Variants in DMD observed in about 807,000 individuals in gnomAD.
DMD encodes mutant dystrophin.
Under a neutral mutation model 330.1 loss-of-function variants are expected in DMD, and 63 were observed. The ratio of observed to expected loss-of-function variants is 0.19; its 90% CI spans 0.16 to 0.24. The LOEUF is 0.24. DMD is among the 10% of genes least tolerant of loss of function. DMD has a pLI of 1.00. For synonymous variants in DMD, 1,223 were observed against 959.8 expected, an observed-to-expected ratio of 1.27 and a Z score of -5.07; for missense variants, 3,344 against 2,684.1, an observed-to-expected ratio of 1.25 and a Z score of -5.43.
intron 34 of DMD, among the ~76,000 whole-genome samples, chrX:32,373,965 C>T (rs913389593): frequency 3.6e-5 from 4 of 111,429 alleles, no homozygotes; most frequent in African/African-American, 9.8e-5. Flanking sequence ...AATCAACATC[C>T]GTTATTTTCT....
rs929563204 is a variant in DMD, at chrX:32,187,736, C to T, written c.6438+29180G>A. 2.6e-4 allele frequency among the ~76,000 whole-genome samples: 29 copies of T among 110,722 alleles called. 1 individual carries two copies. The highest frequency in any genetic ancestry group is 9.5e-4 in the African/African-American group (29 of 30,620). ...AGAAGACAACGTACAACTTTTTAAC[C>T]CCTAACCTAATTTTTTAAACCAAAA... On this transcript the variant is annotated intron_variant, in intron 44 of 78. Transcript: ENST00000357033.
intron 50 of DMD, among the ~76,000 whole-genome samples, chrX:31,811,642 CT>C (rs917202010): frequency 8.9e-6 from 1 of 111,844 alleles, no homozygotes; most frequent in African/African-American, 3.3e-5. Context: ...AAGCTTGCTC[CT>C]GACGTATTAG....
chrX:31,957,620 G>A (rs1472818577), intron 45 of DMD, among the ~76,000 whole-genome samples: 1 of 111,626 alleles, frequency 9.0e-6, no homozygotes, highest in Non-Finnish European at 1.9e-5. Context: ...TTTTACAAAC[G>A]ATTTTTAAAA....
At chrX:31,178,926 G>A in intron 69 of DMD, 121 bp from the exon 70 acceptor site, 2 of 914,626 alleles carry the variant, frequency 2.2e-6, no homozygotes, top group East Asian at 6.6e-5. Context: ...GTGGTTGTGA[G>A]CAAAGGCTTT....
chrX:33,158,571 A>T (rs1261926995), intron 1 of DMD, among the ~76,000 whole-genome samples: 3 of 111,038 alleles, frequency 2.7e-5, no homozygotes, highest in African/African-American at 9.8e-5. Context: ...TAATCCTGAC[A>T]CTCTGTTCCA....
At chrX:31,811,865 A>T (rs2092466868) in intron 50 of DMD, among the ~76,000 whole-genome samples, 1 of 111,493 alleles carries the variant, frequency 9.0e-6, no homozygotes, top group African/African-American at 3.3e-5. Context: ...TGTGGGTTAT[A>T]TACCCCTCCC....
intron 47 of DMD, among the ~76,000 whole-genome samples, chrX:31,876,716 A>G (rs903900396): frequency 3.4e-4 from 37 of 109,971 alleles, no homozygotes; most frequent in African/African-American, 1.2e-3. Context: ...AACAAAAAAC[A>G]AAACAAAACA....
At chrX:32,661,381 ATTT>A (rs745906168) in intron 9 of DMD, among the ~76,000 whole-genome samples, 4,041 of 110,871 alleles carry the variant, frequency 0.036, 183 homozygotes, top group African/African-American at 0.13. Flanking sequence ...TATTGTCTAC[ATTT>A]TACTATGAGG....
chrX:32,695,607 G>A (rs753104473), intron 9 of DMD, among the ~76,000 whole-genome samples: 1 of 111,044 alleles, frequency 9.0e-6, no homozygotes. Context: ...CTAGGTTTGA[G>A]ATATTAGTGG....
At chrX:32,207,901 T>C (rs748864970) in intron 44 of DMD, among the ~76,000 whole-genome samples, 2 of 111,834 alleles carry the variant, frequency 1.8e-5, no homozygotes, top group South Asian at 7.5e-4. Flanking sequence ...CAGCCATAAA[T>C]TATAAAAAAA....
chrX:32,617,888 T>C (rs1391945320), intron 11 of DMD, among the ~76,000 whole-genome samples: 5 of 110,827 alleles, frequency 4.5e-5, no homozygotes, highest in Non-Finnish European at 9.5e-5. Context: ...AGAAAACAAA[T>C]AACCTGATTA....
chrX:33,274,256 A>G (rs771887829), intron 1 of DMD, among the ~76,000 whole-genome samples: 16 of 111,912 alleles, frequency 1.4e-4, no homozygotes, highest in Non-Finnish European at 2.6e-4. Context: ...TCTTCATTAT[A>G]CTTTATGTAT....
intron 62 of DMD, among the ~76,000 whole-genome samples, chrX:31,297,942 C>T (rs2054314044): frequency 8.9e-6 from 1 of 112,049 alleles, no homozygotes; most frequent in Non-Finnish European, 1.9e-5. Flanking sequence ...CTGAGTAGTT[C>T]AAGTTATCTA....
intron 16 of DMD, among the ~76,000 whole-genome samples, chrX:32,554,363 C>T (rs1046034119): frequency 2.7e-5 from 3 of 111,054 alleles, no homozygotes; most frequent in Non-Finnish European, 5.7e-5. Flanking sequence ...AAAAGGTAGA[C>T]TTCTAGTTAG....
At chrX:32,161,665 A>C (rs1323219640) in intron 44 of DMD, among the ~76,000 whole-genome samples, 1 of 111,869 alleles carries the variant, frequency 8.9e-6, no homozygotes, top group Non-Finnish European at 1.9e-5. Flanking sequence ...GTAGTCACTA[A>C]TATTTTTGAA....
intron 60 of DMD, among the ~76,000 whole-genome samples, chrX:31,441,369 G>C (rs1204862695): frequency 9.0e-6 from 1 of 111,116 alleles, no homozygotes; most frequent in East Asian, 2.8e-4. Flanking sequence ...GGTAAGTTTT[G>C]TATTTTTAGT....
Position 31,789,852 on chromosome X carries a change from T to C in DMD, c.7310-15660A>G, listed in dbSNP as rs192039539. ...AATAATAAACCTAACTGAAACAACA[T>C]TAACTCCTATCTAGGGTTTATCAAA... On this transcript the variant is annotated intron_variant, in intron 50 of 78. Coordinates refer to ENST00000357033, the MANE Select transcript of DMD (RefSeq NM_004006.3). Among the ~76,000 whole-genome samples, 14 of 111,287 alleles carry C rather than the reference T, an allele frequency of 1.3e-4. No individual in the cohort carries two copies. The East Asian group carries it at 4.0e-3, about 32-fold the overall frequency.
intron 64 of DMD, among the ~76,000 whole-genome samples, chrX:31,217,674 G>C (rs140736158): frequency 0.061 from 6,805 of 111,683 alleles, 333 homozygotes; most frequent in African/African-American, 0.16. Context: ...CAAAAGCCTG[G>C]AAGCTAAATC....
intron 7 of DMD, among the ~76,000 whole-genome samples, chrX:32,779,063 G>A (rs148318188): frequency 0.012 from 1,291 of 111,099 alleles, 15 homozygotes; most frequent in Admixed American, 0.051. Flanking sequence ...AATATCTTGG[G>A]CACCAATTAT....
Sources: gnomAD v4.1 joint callset for allele counts (sites outside exome capture counted in the v4.1 genomes callset) on GRCh38, gnomAD v4.1.1 for gene constraint, MANE v1.5 for transcripts, NCBI Gene and HGNC (gene_info 2026-07-23, HGNC 2026-07-21) for gene names.